The following FBXW7 variants were observed in gnomAD, a reference collection of about 807,000 sequenced individuals.
FBXW7 encodes F-box and WD repeat domain containing 7.
In FBXW7, 11 loss-of-function variants were observed where a neutral mutation model predicts 86.3. The observed-to-expected ratio is 0.13, with a 90% CI of 0.08 to 0.21. FBXW7 has a LOEUF of 0.21. Ranked by LOEUF, FBXW7 falls within the 10% of genes least tolerant of loss-of-function variation. The pLI is 1.00. For missense variants in FBXW7, 488 were observed against 847.4 expected, an observed-to-expected ratio of 0.58 and a Z score of 5.27; for synonymous variants, 313 against 297.9, an observed-to-expected ratio of 1.05 and a Z score of -0.52.
chr4:152,345,453 A>T (rs1314565461), intron 6 of FBXW7, among the ~76,000 whole-genome samples: 1 of 152,126 alleles, frequency 6.6e-6, no homozygotes, highest in Non-Finnish European at 1.5e-5. Flanking sequence ...TCTAACCCAG[A>T]TTCTTTAGTA....
intron 4 of FBXW7, among the ~76,000 whole-genome samples, chr4:152,372,211 T>G (rs1196413334): frequency 6.6e-6 from 1 of 151,972 alleles, no homozygotes; most frequent in Non-Finnish European, 1.5e-5. Flanking sequence ...CTCATCTATA[T>G]ATGTATGTTT....
chr4:152,460,176 A>G, intron 2 of FBXW7, among the ~76,000 whole-genome samples: 1 of 152,214 alleles, frequency 6.6e-6, no homozygotes, highest in Non-Finnish European at 1.5e-5. Context: ...GAAACCTATT[A>G]TACATTACTA....
At chr4:152,330,207 A>G (rs1350431667) in intron 9 of FBXW7, among the ~76,000 whole-genome samples, 1 of 151,972 alleles carries the variant, frequency 6.6e-6, no homozygotes, top group Non-Finnish European at 1.5e-5. Flanking sequence ...ATATATACAT[A>G]TTAGTATAAC....
intron 4 of FBXW7, among the ~76,000 whole-genome samples, chr4:152,391,689 A>C (rs780864805): frequency 1.1e-4 from 16 of 152,144 alleles, no homozygotes; most frequent in Non-Finnish European, 1.9e-4. Flanking sequence ...TGTATCACTT[A>C]ATCACCACGC....
At chr4:152,330,390 C>CA (rs1282999713) in intron 9 of FBXW7, among the ~76,000 whole-genome samples, 1 of 151,798 alleles carries the variant, frequency 6.6e-6, no homozygotes. Context: ...AGACACTCCT[C>CA]AAAAAATCAT....
intron 2 of FBXW7, among the ~76,000 whole-genome samples, chr4:152,421,021 T>C (rs969981025): frequency 3.9e-5 from 6 of 152,208 alleles, no homozygotes; most frequent in African/African-American, 1.2e-4. Flanking sequence ...AATAGAGTGC[T>C]GTTTCATCTA....
At chr4:152,441,318 T>A (rs1190156509) in intron 2 of FBXW7, among the ~76,000 whole-genome samples, 1 of 152,132 alleles carries the variant, frequency 6.6e-6, no homozygotes, top group Non-Finnish European at 1.5e-5. Context: ...TCAGTAGCTT[T>A]GATTTTCTCT....
At chr4:152,482,086 T>C (rs1744932344) in intron 2 of FBXW7, among the ~76,000 whole-genome samples, 1 of 152,282 alleles carries the variant, frequency 6.6e-6, no homozygotes, top group East Asian at 1.9e-4. Flanking sequence ...CAAACTTCAT[T>C]GCTGTCTTAT....
intron 4 of FBXW7, among the ~76,000 whole-genome samples, chr4:152,383,035 T>G (rs1735230722): frequency 6.6e-6 from 1 of 152,174 alleles, no homozygotes; most frequent in Non-Finnish European, 1.5e-5. Flanking sequence ...TCTGGTTCTC[T>G]AATAGCTATT....
At chr4:152,378,869 G>A (rs975219055) in intron 4 of FBXW7, among the ~76,000 whole-genome samples, 27 of 152,148 alleles carry the variant, frequency 1.8e-4, no homozygotes, top group African/African-American at 6.0e-4. Context: ...AGCCAGATGC[G>A]GTGGCATGCA....
rs189897708 is a variant in FBXW7, at chr4:152,446,860, A to G, written c.-119-34331T>C. Among the ~76,000 whole-genome samples the G allele has an allele frequency of 1.8e-3, 280 of 152,342 alleles. 1 individual carries two copies. Among genetic ancestry groups the G allele is most frequent in the Admixed American group, 3.9e-3 (60 of 15,300 alleles). ...ATTAAACATTTTCAATATATATGAA[A>G]TTCAGACACATCCTTGACCGAATCC... On this transcript the variant is annotated intron_variant, in intron 2 of 13. Transcript: ENST00000281708.
intron 2 of FBXW7, among the ~76,000 whole-genome samples, chr4:152,455,257 C>A (rs889458359): frequency 3.3e-5 from 5 of 152,290 alleles, no homozygotes; most frequent in African/African-American, 1.2e-4. Context: ...TATACCCAGG[C>A]AACACAGGAG....
rs559316345 is a variant in FBXW7 at position 152,434,540 on chromosome 4, T to C, written c.-119-22011A>G. 6.6e-5 allele frequency among the ~76,000 whole-genome samples: 10 copies of C among 152,310 alleles called. No homozygotes were observed. The South Asian group carries it at 1.2e-3, about 19-fold the overall frequency. ...TACTGCATTGCCTTCTTAGTCTCTATGTCCCCAACTTTCTCCTGAATGTTC... is the reference window on the plus strand; with the variant it reads ...TACTGCATTGCCTTCTTAGTCTCTACGTCCCCAACTTTCTCCTGAATGTTC... On this transcript the variant is annotated intron_variant, in intron 2 of 13. Transcript: ENST00000281708.
chr4:152,450,458 A>T (rs1315729431), intron 2 of FBXW7, among the ~76,000 whole-genome samples: 2 of 152,224 alleles, frequency 1.3e-5, no homozygotes, highest in African/African-American at 4.8e-5. Context: ...AATGAGCAAA[A>T]GAACTTCTAA....
Position 152,324,344 on chromosome 4 carries a change from A to G in FBXW7, c.1695T>C (p.Val565=), listed in dbSNP as rs2126479548. The G allele has an allele frequency of 6.2e-7, 1 of 1,611,194 alleles. No homozygotes were observed. Among genetic ancestry groups the G allele is most frequent in the Non-Finnish European group, 8.5e-7 (1 of 1,178,530 alleles). Residue 565 remains valine, a synonymous_variant, in exon 13 of 14, where the codon GTT becomes GTC. Transcript: ENST00000281708. ...VSGSLDTSIR[V]WDVETGNCIH... ...TGCAATTCCCTGTCTCCACATCCCAAACACGGATTGATGTATCAAGAGATC... is the reference window on the plus strand; with the variant it reads ...TGCAATTCCCTGTCTCCACATCCCAGACACGGATTGATGTATCAAGAGATC...
At chr4:152,446,831 C>T (rs1741447105) in intron 2 of FBXW7, among the ~76,000 whole-genome samples, 1 of 152,136 alleles carries the variant, frequency 6.6e-6, no homozygotes, top group African/African-American at 2.4e-5. Flanking sequence ...GCTGGTGGCC[C>T]ATCATTAAAC....
chr4:152,503,322 G>A (rs1747121880), intron 2 of FBXW7, among the ~76,000 whole-genome samples: 1 of 151,882 alleles, frequency 6.6e-6, no homozygotes, highest in Non-Finnish European at 1.5e-5. Context: ...CCTGGCTGGA[G>A]TGCAGTGGCG....
intron 4 of FBXW7, among the ~76,000 whole-genome samples, chr4:152,360,789 T>C (rs1044492155): frequency 4.0e-5 from 6 of 151,094 alleles, no homozygotes; most frequent in Non-Finnish European, 5.9e-5. Context: ...GTGTGCGCAC[T>C]GTGTATGCAT....
chr4:152,447,819 G>A (rs1180933703), intron 2 of FBXW7, among the ~76,000 whole-genome samples: 2 of 152,138 alleles, frequency 1.3e-5, no homozygotes, highest in African/African-American at 2.4e-5. Context: ...TCTAATTACA[G>A]CTAGAGTCTG....
Sources: allele counts gnomAD v4.1 joint callset (sites outside exome capture counted in the v4.1 genomes callset), GRCh38; gene constraint gnomAD v4.1.1; transcripts MANE v1.5; gene names NCBI Gene and HGNC (gene_info 2026-07-23, HGNC 2026-07-21).